The following DAB1 variants were observed in gnomAD, a reference collection of about 807,000 sequenced individuals.
DAB1 encodes the protein disabled homolog 1.
In DAB1, 15 loss-of-function variants were observed where a neutral mutation model predicts 64.6. The observed-to-expected ratio is 0.23, with a 90% confidence interval of 0.16 to 0.36. The LOEUF (loss-of-function observed/expected upper bound fraction) is 0.36. Ranked by LOEUF, DAB1 falls within the 10% of genes least tolerant of loss-of-function variation. The pLI is 1.00. For synonymous variants in DAB1, 235 were observed against 251.9 expected (o/e 0.93, Z 0.64); for missense variants, 596 against 706.7 (o/e 0.84, Z 1.78).
intron 3 of DAB1, among the ~76,000 whole-genome samples, chr1:58,453,418 A>G (rs706454): frequency 0.8 from 122,183 of 152,120 alleles, 50,456 homozygotes; most frequent in African/African-American, 0.92. Context: ...GTGAATGGCT[A>G]TATTCCTACT....
At chr1:57,301,389 T>A (rs1248160465) in intron 1 of DAB1, among the ~76,000 whole-genome samples, 2 of 152,190 alleles carry the variant, frequency 1.3e-5, no homozygotes, top group African/African-American at 4.8e-5. Context: ...TTCCTCATTT[T>A]AACCCTACTC....
At chr1:57,648,137 A>G (rs1346854922) in intron 7 of DAB1, among the ~76,000 whole-genome samples, 1 of 152,196 alleles carries the variant, frequency 6.6e-6, no homozygotes, top group Non-Finnish European at 1.5e-5. Flanking sequence ...TTGTGGATGG[A>G]AAGGCAATAA....
At chr1:57,766,356 G>A (rs1468508067) in intron 6 of DAB1, among the ~76,000 whole-genome samples, 1 of 151,508 alleles carries the variant, frequency 6.6e-6, no homozygotes, top group Non-Finnish European at 1.5e-5. Flanking sequence ...CTTCTCCCTT[G>A]ATTTCTTCTT....
intron 1 of DAB1, chr1:57,878,653 T>C (rs2101967157): frequency 6.6e-6 from 1 of 152,326 alleles, no homozygotes; most frequent in African/African-American, 2.4e-5. Context: ...AGCATATTTC[T>C]CACCTCAAAC....
At chr1:57,272,469 C>T (rs987869633) in intron 2 of DAB1, among the ~76,000 whole-genome samples, 1 of 152,194 alleles carries the variant, frequency 6.6e-6, no homozygotes, top group South Asian at 2.1e-4. Flanking sequence ...GTAACAATAG[C>T]AGTAAGCTAG....
intron 1 of DAB1, among the ~76,000 whole-genome samples, chr1:58,531,960 G>A (rs999321925): frequency 6.6e-6 from 1 of 151,994 alleles, no homozygotes. Flanking sequence ...ACCCACCTCA[G>A]CCTCCCAAAG....
intron 4 of DAB1, among the ~76,000 whole-genome samples, chr1:57,096,408 C>T (rs551797709): frequency 1.2e-4 from 18 of 152,232 alleles, no homozygotes; most frequent in African/African-American, 3.9e-4. Flanking sequence ...ATTTAAACTC[C>T]CCCATTTCAA....
intron 9 of DAB1, chr1:57,033,357 C>T: frequency 6.2e-7 from 1 of 1,611,126 alleles, no homozygotes; most frequent in Non-Finnish European, 8.5e-7. Context: ...GCAGAACAAC[C>T]TAATTTAACA....
intron 5 of DAB1, chr1:58,150,467 G>A (rs553253265): frequency 6.6e-6 from 1 of 152,078 alleles, no homozygotes; most frequent in South Asian, 2.1e-4. Flanking sequence ...CTGGAAGACA[G>A]GCTAAAATGA....
At chr1:57,274,448 AAC>A (rs965648695) in intron 2 of DAB1, among the ~76,000 whole-genome samples, 2 of 152,208 alleles carry the variant, frequency 1.3e-5, no homozygotes, top group Non-Finnish European at 2.9e-5. Flanking sequence ...TAAGACAAAA[AAC>A]ACATAGAAGA....
chr1:57,694,333 G>C (rs1489640196), intron 6 of DAB1, among the ~76,000 whole-genome samples: 4 of 152,184 alleles, frequency 2.6e-5, no homozygotes, highest in African/African-American at 9.7e-5. Flanking sequence ...GGAGTCAAGA[G>C]AGACTGGCTC....
At chr1:57,977,400 C>T (rs889984638) in intron 5 of DAB1, among the ~76,000 whole-genome samples, 1 of 152,174 alleles carries the variant, frequency 6.6e-6, no homozygotes, top group African/African-American at 2.4e-5. Flanking sequence ...AAATAATAGA[C>T]TGACTTCATT....
intron 2 of DAB1, among the ~76,000 whole-genome samples, chr1:57,251,221 G>A (rs2100518996): frequency 6.6e-6 from 1 of 152,314 alleles, no homozygotes; most frequent in Non-Finnish European, 1.5e-5. Context: ...TTAACTGTCT[G>A]TGTAAATGTG....
intron 7 of DAB1, among the ~76,000 whole-genome samples, chr1:57,464,445 A>G (rs1051542031): frequency 3.9e-5 from 6 of 152,104 alleles, no homozygotes; most frequent in African/African-American, 1.4e-4. Context: ...CTCACAGCGC[A>G]TGTACTTCAC....
intron 9 of DAB1, among the ~76,000 whole-genome samples, chr1:57,049,945 G>A (rs1197619892): frequency 6.6e-6 from 1 of 152,076 alleles, no homozygotes; most frequent in Non-Finnish European, 1.5e-5. Context: ...CTCCTGCAGG[G>A]GTTTAGCTTC....
intron 5 of DAB1, among the ~76,000 whole-genome samples, chr1:58,142,849 C>T (rs1468671665): frequency 6.6e-6 from 1 of 152,232 alleles, no homozygotes; most frequent in Non-Finnish European, 1.5e-5. Flanking sequence ...ATGTCTCCAT[C>T]TTAATGCCTC....
intron 5 of DAB1, among the ~76,000 whole-genome samples, chr1:57,974,381 T>C (rs899587251): frequency 4.6e-5 from 7 of 152,180 alleles, no homozygotes; most frequent in Admixed American, 4.6e-4. Flanking sequence ...AAGCAGTGAC[T>C]ATGTCTTGTT....
chr1:58,120,469 A>T (rs948903310), intron 5 of DAB1, among the ~76,000 whole-genome samples: 16 of 152,158 alleles, frequency 1.1e-4, no homozygotes, highest in Non-Finnish European at 2.1e-4. Flanking sequence ...TACCCCTATG[A>T]ACCTCAGTTT....
At chr1:57,453,632 A>C (rs1186897553) in intron 7 of DAB1, among the ~76,000 whole-genome samples, 1 of 152,168 alleles carries the variant, frequency 6.6e-6, no homozygotes, top group African/African-American at 2.4e-5. Flanking sequence ...ATAACAAAAA[A>C]ATAGGATAAC....
Sources: gnomAD v4.1 joint callset for allele counts (sites outside exome capture counted in the v4.1 genomes callset) on GRCh38, gnomAD v4.1.1 for gene constraint, MANE v1.5 for transcripts, NCBI Gene and HGNC (gene_info 2026-07-23, HGNC 2026-07-21) for gene names.